The following STPG2 variants were observed in gnomAD, a reference collection of about 807,000 sequenced individuals.
The protein encoded by STPG2 is sperm tail PG-rich repeat containing 2.
STPG2 carries 56 observed loss-of-function variants against 54.2 expected under a neutral mutation model. That is an observed-to-expected ratio of 1.03 (90% CI 0.83 to 1.29). STPG2 has a LOEUF of 1.29. Among genes scored for constraint, STPG2 ranks in the 50% most tolerant of loss-of-function variants. STPG2 has a pLI of 0.00. For missense variants in STPG2, 596 were observed against 544.9 expected, an observed-to-expected ratio of 1.09 and a Z score of -0.93; for synonymous variants, 200 against 181.8, an observed-to-expected ratio of 1.10 and a Z score of -0.81.
At chr4:97,704,569 G>A (rs994427530) in intron 10 of STPG2, among the ~76,000 whole-genome samples, 1 of 152,178 alleles carries the variant, frequency 6.6e-6, no homozygotes, top group Non-Finnish European at 1.5e-5. Context: ...TGTAGTCCAT[G>A]GAGAGTCAAA....
At position 97,546,593 on chromosome 4, in the gene STPG2, T is replaced by C. The variant is rs547665834; in HGVS notation, c.462+166106A>G. On this transcript the variant is annotated intron_variant, in intron 4 of 4. Transcript: ENST00000522676. Reference sequence around the variant, plus strand: ...CACAGAATAGAGTAGAAAAAGAAAATGGAGAAAGAAAAACCTTGCTGTATT... The same window carrying C: ...CACAGAATAGAGTAGAAAAAGAAAACGGAGAAAGAAAAACCTTGCTGTATT... 2.6e-5 allele frequency among the ~76,000 whole-genome samples: 4 copies of C among 152,084 alleles called. No individual in the cohort carries two copies. In the South Asian group the frequency reaches 6.2e-4, roughly 24 times the overall value.
In STPG2 at chr4:97,441,937, T is replaced by C. The variant is rs572866487; in HGVS notation, c.463-254104A>G. Among the ~76,000 whole-genome samples, 22 of 152,172 alleles carry C rather than the reference T, an allele frequency of 1.4e-4. 1 individual carries two copies. The Middle Eastern group carries it at 0.01, about 71-fold the overall frequency. ...TTTCACAATATAATTTAATACACTA[T>C]TTTCTCCACTGACAAGTATTTTGAG... On this transcript the variant is annotated intron_variant, in intron 4 of 4. Coordinates refer to the STPG2 transcript ENST00000522676.
At chr4:97,456,405 A>G (rs1197574381) in intron 4 of STPG2, among the ~76,000 whole-genome samples, 7 of 152,156 alleles carry the variant, frequency 4.6e-5, no homozygotes. Flanking sequence ...ACTCACTATC[A>G]TGAGAACAGC....
chr4:97,920,388 A>G (rs1008749991), intron 8 of STPG2, among the ~76,000 whole-genome samples: 14 of 152,218 alleles, frequency 9.2e-5, no homozygotes, highest in African/African-American at 3.4e-4. Flanking sequence ...CTACAAAACT[A>G]AAAGTTGAGA....
chr4:98,136,053 G>A (rs1282658319), intron 1 of STPG2, among the ~76,000 whole-genome samples: 2 of 151,444 alleles, frequency 1.3e-5, no homozygotes, highest in South Asian at 2.1e-4. Flanking sequence ...GGAATTAGCA[G>A]ACAAGAATAC....
chr4:98,015,532 G>A (rs1735915519), intron 5 of STPG2, among the ~76,000 whole-genome samples: 1 of 152,128 alleles, frequency 6.6e-6, no homozygotes, highest in South Asian at 2.1e-4. Context: ...CAGTTGGAAT[G>A]GCAATCATTA....
At chr4:97,804,551 G>C (rs2149092508) in intron 9 of STPG2, among the ~76,000 whole-genome samples, 1 of 152,134 alleles carries the variant, frequency 6.6e-6, no homozygotes, top group East Asian at 1.9e-4. Context: ...TTTAAACTAA[G>C]CATTATTACA....
intron 3 of STPG2, among the ~76,000 whole-genome samples, chr4:98,125,230 C>A (rs1010977302): frequency 6.6e-6 from 1 of 152,156 alleles, no homozygotes; most frequent in African/African-American, 2.4e-5. Flanking sequence ...AGAGGTATTG[C>A]AATCATTTGG....
chr4:97,556,075 G>C (rs1443424222), downstream of STPG2, among the ~76,000 whole-genome samples: 1 of 152,046 alleles, frequency 6.6e-6, no homozygotes, highest in Non-Finnish European at 1.5e-5. Flanking sequence ...GAAATGAATG[G>C]AGTCATTATT....
intron 9 of STPG2, among the ~76,000 whole-genome samples, chr4:97,807,421 C>T (rs951189604): frequency 1.4e-4 from 22 of 151,916 alleles, no homozygotes; most frequent in African/African-American, 5.3e-4. Flanking sequence ...TTATACTAAG[C>T]ATTATGAATA....
intron 10 of STPG2, among the ~76,000 whole-genome samples, chr4:97,656,882 T>C (rs1201366897): frequency 6.6e-6 from 1 of 152,020 alleles, no homozygotes; most frequent in Non-Finnish European, 1.5e-5. Context: ...ATAATTTAAA[T>C]GAGTTTAGAA....
At chr4:97,828,494 A>T (rs1728337385) in intron 9 of STPG2, among the ~76,000 whole-genome samples, 1 of 148,392 alleles carries the variant, frequency 6.7e-6, no homozygotes, top group Admixed American at 6.7e-5. Context: ...GCTGCGGGAG[A>T]TTTTTTTTTT....
intron 9 of STPG2, among the ~76,000 whole-genome samples, chr4:97,801,528 T>C (rs1393930422): frequency 6.6e-6 from 1 of 152,184 alleles, no homozygotes; most frequent in Non-Finnish European, 1.5e-5. Flanking sequence ...ATATAGAAGC[T>C]ATGGTGAGTA....
At chr4:97,951,837 G>T (rs750666530) in intron 7 of STPG2, among the ~76,000 whole-genome samples, 3 of 152,118 alleles carry the variant, frequency 2.0e-5, no homozygotes, top group Admixed American at 6.5e-5. Context: ...TCCCAGGGAA[G>T]AAACTGGTTG....
chr4:98,064,013 A>G (rs144724776), intron 5 of STPG2, among the ~76,000 whole-genome samples: 14 of 152,294 alleles, frequency 9.2e-5, no homozygotes, highest in African/African-American at 3.4e-4. Context: ...GAGAAAGGTG[A>G]TATAATAAAA....
chr4:97,456,070 A>T (rs1222583185), intron 4 of STPG2, among the ~76,000 whole-genome samples: 1 of 152,246 alleles, frequency 6.6e-6, no homozygotes. Context: ...TTTGTTCTGC[A>T]AAAGACACTG....
chr4:97,891,453 T>C (rs1335528855), intron 8 of STPG2, among the ~76,000 whole-genome samples: 2 of 151,918 alleles, frequency 1.3e-5, no homozygotes, highest in Non-Finnish European at 2.9e-5. Flanking sequence ...GAGTGCATGT[T>C]TAAGAAATAA....
chr4:98,125,076 T>C (rs986053971), intron 3 of STPG2, among the ~76,000 whole-genome samples: 1 of 152,190 alleles, frequency 6.6e-6, no homozygotes, highest in African/African-American at 2.4e-5. Flanking sequence ...GCAGCTCCTA[T>C]AGTTTTATCA....
In STPG2 at chr4:97,504,126, AT is replaced by A. The variant is rs1365029392; in HGVS notation, c.462+208572del. On this transcript the variant is annotated intron_variant, in intron 4 of 4. Coordinates refer to the STPG2 transcript ENST00000522676. ...TAAATAAATAAATATTTATTTAAAT[AT>A]TTTATTTTATTTAATATTTAATAAA... Among the ~76,000 whole-genome samples, 16 of 143,910 alleles carry A rather than the reference AT, an allele frequency of 1.1e-4. No individual in the cohort carries two copies. In the Admixed American group the frequency reaches 1.1e-3, roughly 10 times the overall value. 94.4% of individuals were successfully genotyped at this position (143,910 alleles called of 152,430 possible).
Sources: gnomAD v4.1 joint callset for allele counts (sites outside exome capture counted in the v4.1 genomes callset) on GRCh38, gnomAD v4.1.1 for gene constraint, MANE v1.5 for transcripts, NCBI Gene and HGNC (gene_info 2026-07-23, HGNC 2026-07-21) for gene names.